The following CATSPERE variants were observed in gnomAD, a reference collection of about 807,000 sequenced individuals.
The protein encoded by CATSPERE is cation channel sperm-associated auxiliary subunit epsilon.
A neutral mutation model predicts 114.1 loss-of-function variants in CATSPERE; 93 were observed. The observed-to-expected ratio is 0.81, with a 90% CI of 0.69 to 0.97. The LOEUF (loss-of-function observed/expected upper bound fraction) is 0.97. CATSPERE is among the 50% of genes least tolerant of loss of function. The pLI, the probability that CATSPERE is intolerant of heterozygous loss-of-function variation, is 0.00. For synonymous variants in CATSPERE, 341 were observed against 384.1 expected, an observed-to-expected ratio of 0.89 and a Z score of 1.31; for missense variants, 1,058 against 1,131.6, an observed-to-expected ratio of 0.93 and a Z score of 0.93.
At chr1:244,538,198 G>C (rs12748213) in intron 8 of CATSPERE, among the ~76,000 whole-genome samples, 1 of 151,896 alleles carries the variant, frequency 6.6e-6, no homozygotes, top group African/African-American at 2.4e-5. Flanking sequence ...AAAGTTACAC[G>C]GCTTATTGAA....
At chr1:244,617,922 T>C (rs774650444) in intron 20 of CATSPERE, among the ~76,000 whole-genome samples, 3 of 152,180 alleles carry the variant, frequency 2.0e-5, no homozygotes, top group Admixed American at 6.5e-5. Flanking sequence ...TCAGTTGCCA[T>C]GAAAGATCCA....
At chr1:244,542,991 A>T (rs1455568211) in intron 8 of CATSPERE, among the ~76,000 whole-genome samples, 1 of 152,268 alleles carries the variant, frequency 6.6e-6, no homozygotes, top group African/African-American at 2.4e-5. Flanking sequence ...GTGGATAAAA[A>T]GTATCCCTGG....
chr1:244,468,948 A>G (rs1668031119), intron 2 of CATSPERE, among the ~76,000 whole-genome samples: 1 of 152,160 alleles, frequency 6.6e-6, no homozygotes, highest in Admixed American at 6.5e-5. Context: ...TATTGAATGT[A>G]CAGAATACCA....
chr1:244,562,250 T>C (rs752066579), intron 10 of CATSPERE, among the ~76,000 whole-genome samples: 4 of 150,910 alleles, frequency 2.7e-5, no homozygotes, highest in Non-Finnish European at 5.9e-5. Flanking sequence ...ACAATACATA[T>C]AATAGATATA....
At chr1:244,451,510 A>G (rs1435672921), upstream of CATSPERE, 5 of 1,050,794 alleles carry the variant, frequency 4.8e-6, no homozygotes, top group South Asian at 1.6e-5. The surrounding 1 kb of genome is among the most constrained non-coding windows in gnomAD (Gnocchi z 6.6). Context: ...AGGAGGAGAG[A>G]GCCTCAAGGT....
At chr1:244,467,523 G>A (rs1032778940) in intron 2 of CATSPERE, among the ~76,000 whole-genome samples, 2 of 152,146 alleles carry the variant, frequency 1.3e-5, no homozygotes, top group Non-Finnish European at 2.9e-5. Flanking sequence ...AAGGAATGCA[G>A]GTTGGTATAA....
intron 5 of CATSPERE, among the ~76,000 whole-genome samples, chr1:244,489,664 G>A (rs907460374): frequency 6.6e-6 from 1 of 151,922 alleles, no homozygotes; most frequent in Non-Finnish European, 1.5e-5. Context: ...TGGCTGTCTT[G>A]AATAATGAAC....
chr1:244,554,360 T>G (rs931258804), intron 9 of CATSPERE, among the ~76,000 whole-genome samples: 1 of 152,122 alleles, frequency 6.6e-6, no homozygotes, highest in Admixed American at 6.5e-5. Context: ...ATTTATCTAT[T>G]TTTGTCATTT....
At chr1:244,583,517 C>G (rs1273381563) in intron 12 of CATSPERE, among the ~76,000 whole-genome samples, 1 of 152,116 alleles carries the variant, frequency 6.6e-6, no homozygotes, top group East Asian at 1.9e-4. Flanking sequence ...ACCTTCAGGT[C>G]GAGATGTCTG....
intron 6 of CATSPERE, among the ~76,000 whole-genome samples, chr1:244,493,633 CA>C (rs1672606205): frequency 6.6e-6 from 1 of 152,112 alleles, no homozygotes; most frequent in Non-Finnish European, 1.5e-5. Flanking sequence ...TTCTGCACAG[CA>C]AAAGAAACTA....
At chr1:244,468,710 G>C (rs899279568) in intron 2 of CATSPERE, among the ~76,000 whole-genome samples, 1 of 152,150 alleles carries the variant, frequency 6.6e-6, no homozygotes, top group Non-Finnish European at 1.5e-5. Flanking sequence ...CTTGAGCCCA[G>C]GAGTTTGAGA....
intron 6 of CATSPERE, among the ~76,000 whole-genome samples, chr1:244,492,700 C>T (rs1315973648): frequency 7.1e-4 from 103 of 144,622 alleles, no homozygotes; most frequent in African/African-American, 2.0e-3. Context: ...AAAACCCCAT[C>T]GTCTCAGCCC....
intron 20 of CATSPERE, among the ~76,000 whole-genome samples, chr1:244,630,048 G>A (rs2492605): frequency 0.89 from 135,968 of 152,252 alleles, 60,801 homozygotes; most frequent in East Asian, 0.92. Context: ...AGATGATGAT[G>A]AAAACAAACT....
chr1:244,569,372 T>C (rs189536883), intron 10 of CATSPERE, among the ~76,000 whole-genome samples: 73 of 152,356 alleles, frequency 4.8e-4, no homozygotes, highest in African/African-American at 1.8e-3. Flanking sequence ...GCTGTTCCTA[T>C]TCTCCCATCT....
intron 2 of CATSPERE, among the ~76,000 whole-genome samples, chr1:244,475,226 A>G (rs3006014): frequency 0.4 from 60,529 of 150,296 alleles, 12,759 homozygotes; most frequent in East Asian, 0.73. Flanking sequence ...TTCACTTTCA[A>G]ATTATCTTAT....
rs375105387 is a variant in CATSPERE, at chr1:244,627,148, G to C, written c.2649-8341G>C. 3.3e-5 allele frequency among the ~76,000 whole-genome samples: 5 copies of C among 152,308 alleles called. No homozygotes were observed. The East Asian group carries it at 5.8e-4, about 18-fold the overall frequency. Reference sequence around the variant, plus strand: ...CCGTGTCTCAGGAAGTAGGGAGGCTGAGGGGAGAGATGCGGGATGGGGGTC... The same window carrying C: ...CCGTGTCTCAGGAAGTAGGGAGGCTCAGGGGAGAGATGCGGGATGGGGGTC... On this transcript the variant is annotated intron_variant, in intron 20 of 21. Transcript: ENST00000366534.
intron 8 of CATSPERE, among the ~76,000 whole-genome samples, chr1:244,538,762 C>T (rs930196704): frequency 6.6e-6 from 1 of 152,186 alleles, no homozygotes; most frequent in Admixed American, 6.5e-5. Context: ...TTCTGGGACC[C>T]TTCACAGGAG....
intron 5 of CATSPERE, among the ~76,000 whole-genome samples, chr1:244,489,903 A>G (rs1194631602): frequency 6.6e-6 from 1 of 152,208 alleles, no homozygotes; most frequent in Non-Finnish European, 1.5e-5. Flanking sequence ...AATTGGCCGT[A>G]CTGGTTACTG....
At position 244,502,937 on chromosome 1, in the gene CATSPERE, T is replaced by C. The variant is rs976372210; in HGVS notation, c.429+3858T>C. Among the ~76,000 whole-genome samples the C allele has an allele frequency of 2.0e-5, 3 of 152,298 alleles. No individual in the cohort carries two copies. In the East Asian group the frequency reaches 5.8e-4, roughly 29 times the overall value. On this transcript the variant is annotated intron_variant, in intron 7 of 21. Coordinates refer to ENST00000366534, the MANE Select transcript of CATSPERE (RefSeq NM_001130957.2). The stretch of plus-strand genomic sequence containing the variant: ...TGGTCAGAGGTTTCCCCCTGGCTTG[T>C]TAACTCCTGGTACTTCCTGTCCTGG...
Sources: gnomAD v4.1 joint callset for allele counts (sites outside exome capture counted in the v4.1 genomes callset) on GRCh38, gnomAD v4.1.1 for gene constraint, Gnocchi (gnomAD v3.1) non-coding constraint, MANE v1.5 for transcripts, NCBI Gene and HGNC (gene_info 2026-07-23, HGNC 2026-07-21) for gene names.